DMXL2: variants seen among roughly 807,000 people sequenced by gnomAD.
DMXL2 encodes the protein Dmx like 2.
A neutral mutation model predicts 331.1 loss-of-function variants in DMXL2; 103 were observed. The observed-to-expected ratio is 0.31, with a 90% CI of 0.27 to 0.37. DMXL2 has a LOEUF of 0.37. Ranked by LOEUF, DMXL2 falls within the 10% of genes least tolerant of loss-of-function variation. The pLI is 1.00. For missense variants in DMXL2, 3,171 were observed against 3,642.9 expected (o/e 0.87, Z 3.33); for synonymous variants, 1,281 against 1,252.1 (o/e 1.02, Z -0.49).
In DMXL2 at chr15:51,498,869, A is replaced by G. The variant is rs1271866168; in HGVS notation, c.4355T>C (p.Ile1452Thr). ...SYRISEESTK[I>T]PQSYEDQTVS... The stretch of plus-strand genomic sequence containing the variant: ...TGTCTGATCTTCATAGCTCTGTGGT[A>G]TCTTTGTACTTTCTTCTGAAATTCT... The change falls in exon 18 of 44, where the codon ATA (isoleucine) becomes ACA (threonine). Residue 1452 changes from isoleucine (I) to threonine (T), a missense_variant. By Grantham distance (89) the Ile-to-Thr change is moderately conservative. This residue lies in a region of DMXL2 where 1,674 missense variants were observed against 1,780.2 expected (regional missense o/e 0.94). Coordinates refer to ENST00000560891, the MANE Select transcript of DMXL2 (RefSeq NM_001378457.1). The G allele has an allele frequency of 6.2e-7, 1 of 1,614,122 alleles. No homozygotes were observed. Among genetic ancestry groups the G allele is most frequent in the South Asian group, 1.1e-5 (1 of 91,086 alleles).
chr15:51,517,446 T>C (rs981362588), intron 13 of DMXL2, among the ~76,000 whole-genome samples: 8 of 152,238 alleles, frequency 5.3e-5, no homozygotes, highest in Non-Finnish European at 1.2e-4. Flanking sequence ...CAGACATGGC[T>C]GAAGATCTGG....
At chr15:51,478,393 C>T in intron 25 of DMXL2, 46 bp from the exon 26 acceptor site, 2 of 1,532,108 alleles carry the variant, frequency 1.3e-6, no homozygotes, top group South Asian at 1.1e-5. Flanking sequence ...AACATTTCTA[C>T]ACAACAGTAA....
chr15:51,487,826 AGTACAG>A, intron 22 of DMXL2, 122 bp downstream of exon 22: 1 of 742,964 alleles, frequency 1.3e-6, no homozygotes, highest in Non-Finnish European at 2.0e-6. Context: ...CACTATTTTA[AGTACAG>A]CAACCTCTGT....
intron 2 of DMXL2, among the ~76,000 whole-genome samples, chr15:51,569,351 C>T (rs143306680): frequency 1.1e-4 from 16 of 152,316 alleles, no homozygotes; most frequent in African/African-American, 3.8e-4. Context: ...GAGCCCACCA[C>T]AGCTCCCCGA....
chr15:51,447,879 T>C lies in DMXL2; in HGVS notation c.*1105A>G, dbSNP rs1319830015. ...AGAGAAAGTTACTTTTATGCCATTG[T>C]ATTTACTATTTACCACACAGGCATT... On this transcript the variant is annotated 3_prime_UTR_variant, in exon 44 of 44. Transcript: ENST00000560891. The C allele has an allele frequency of 1.3e-5, 2 of 152,692 alleles. No homozygotes were observed. Among genetic ancestry groups the C allele is most frequent in the African/African-American group, 4.8e-5 (2 of 41,468 alleles). 9.5% of individuals were successfully genotyped at this position (152,692 alleles called of 1,614,324 possible).
intron 1 of DMXL2, among the ~76,000 whole-genome samples, chr15:51,594,432 C>T (rs1312496835): frequency 6.6e-6 from 1 of 152,066 alleles, no homozygotes; most frequent in Non-Finnish European, 1.5e-5. Context: ...AATAGCTTAC[C>T]AACCAAAAAA....
intron 1 of DMXL2, among the ~76,000 whole-genome samples, chr15:51,591,105 C>T (rs757575625): frequency 1.7e-4 from 26 of 152,184 alleles, no homozygotes; most frequent in Non-Finnish European, 3.2e-4. Flanking sequence ...GGATGCAGTG[C>T]ACCGAACGTG....
Position 51,547,383 on chromosome 15 carries a change from T to C in DMXL2, c.593A>G (p.Tyr198Cys), listed in dbSNP as rs1224971212. 4 of 1,593,008 alleles carry C rather than the reference T, an allele frequency of 2.5e-6. No individual in the cohort carries two copies. Among genetic ancestry groups the C allele is most frequent in the Non-Finnish European group, 3.4e-6 (4 of 1,173,562 alleles). ...TGAAGACTTCCAACCAGTCATAGGA[T>C]ACCACACTTTCAAAAGACAATCATC... The part of the protein sequence containing the change: ...GKDDCLLKVW[Y>C]PMTGWKSSII... Residue 198 changes from tyrosine (Y) to cysteine (C), a missense_variant, in exon 7 of 44, where the codon TAT becomes TGT. Transcript: ENST00000560891.
rs570298457 is a variant in DMXL2 at position 51,453,095 on chromosome 15, G to C, written c.8696+455C>G. Among the ~76,000 whole-genome samples the C allele has an allele frequency of 1.4e-4, 22 of 152,100 alleles. No homozygotes were observed. In the South Asian group the frequency reaches 3.9e-3, roughly 27 times the overall value. ...GACTCTGGGGGCTTGGGAGGGGTGGGAGGAGGGTGAAGAATAAAAGACTAC... is the reference window on the plus strand; with the variant it reads ...GACTCTGGGGGCTTGGGAGGGGTGGCAGGAGGGTGAAGAATAAAAGACTAC... On this transcript the variant is annotated intron_variant, in intron 41 of 43. Transcript: ENST00000560891.
Position 51,455,182 on chromosome 15 carries a change from T to A in DMXL2, c.8573A>T (p.Asn2858Ile), listed in dbSNP as rs763245019. The A allele has an allele frequency of 1.9e-5, 31 of 1,613,974 alleles. No homozygotes were observed. Among genetic ancestry groups the A allele is most frequent in the Non-Finnish European group, 2.5e-5 (30 of 1,179,984 alleles). The stretch of plus-strand genomic sequence containing the variant: ...AGGTTTAGGATTTGATGCAGTTTGG[T>A]TAACTTGCCAGATACTCAGAAAACC... Reference protein sequence around the residue: ...GEGFLSIWQVNQTASNPKPYM... With the variant: ...GEGFLSIWQVIQTASNPKPYM... The change falls in exon 40 of 44, where the codon AAC becomes ATC. Residue 2858 changes from asparagine (N) to isoleucine (I), a missense_variant. Physicochemically the swap from Asn to Ile is moderately radical, Grantham distance 149 (BLOSUM62 -3). Around this residue, in one of 7 missense-constraint regions of DMXL2, gnomAD observed 766 missense variants for 940.5 expected, o/e 0.81. Coordinates refer to ENST00000560891, the MANE Select transcript of DMXL2 (RefSeq NM_001378457.1).
Position 51,499,231 on chromosome 15 carries a change from A to C in DMXL2, c.3993T>G (p.Gly1331=), listed in dbSNP as rs1436944438. Residue 1331 remains glycine, a synonymous_variant, in exon 18 of 44, where the codon GGT becomes GGG. Coordinates refer to ENST00000560891, the MANE Select transcript of DMXL2 (RefSeq NM_001378457.1). ...GTACATGTGCAGCCTCAAATAAGCC[A>C]CCATCTTGAATTACAGTTGGTGAAC... ...VFCSPTVIQD[G]GLFEAAHVLS... 1.2e-6 allele frequency: 2 copies of C among 1,614,054 alleles called. No homozygotes were observed. The highest frequency in any genetic ancestry group is 1.7e-6 in the Non-Finnish European group (2 of 1,180,012).
chr15:51,480,352 A>T (rs1312887554), intron 24 of DMXL2, among the ~76,000 whole-genome samples, 190 bp downstream of exon 24: 15 of 152,214 alleles, frequency 9.9e-5, no homozygotes, highest in Admixed American at 9.2e-4. Context: ...CAAGCTGTTA[A>T]GCCTACTCCT....
chr15:51,481,340 A>T lies in DMXL2; in HGVS notation c.5766T>A (p.Asp1922Glu), dbSNP rs757096858. Residue 1922 changes from aspartate (D) to glutamate (E), a missense_variant, in exon 24 of 44, where the codon GAT (aspartate) becomes GAA (glutamate). Around this residue, in one of 7 missense-constraint regions of DMXL2, gnomAD observed 244 missense variants for 251.4 expected, o/e 0.97. Transcript: ENST00000560891. The stretch of plus-strand genomic sequence containing the variant: ...TCCTGTGAGAAATGAAGTCAGGCTG[A>T]TCTTTTTTTGCAGATAAGGCAGATG... ...TKTSALSAKK[D>E]QPDFISHRMD... 8 of 1,614,124 alleles carry T rather than the reference A, an allele frequency of 5.0e-6. No homozygotes were observed. In the South Asian group the frequency reaches 8.8e-5, roughly 18 times the overall value.
At chr15:51,478,187 C>T in intron 26 of DMXL2, 84 bp downstream of exon 26, 6 of 1,092,510 alleles carry the variant, frequency 5.5e-6, no homozygotes, top group South Asian at 3.2e-5. Context: ...TTTTTCAGTC[C>T]CTAGGAAATA....
Position 51,497,072 on chromosome 15 carries a change from A to G in DMXL2, c.4672+1480T>C, listed in dbSNP as rs140086839. Among the ~76,000 whole-genome samples, 610 of 152,346 alleles carry G rather than the reference A, an allele frequency of 4.0e-3. 3 individuals carry two copies. The highest frequency in any genetic ancestry group is 0.013 in the African/African-American group (542 of 41,588). ...CTACTTTCTTAATGTCCCACAGTAA[A>G]AACTAATATATATTAAACACACAAC... On this transcript the variant is annotated intron_variant, in intron 18 of 43. Coordinates refer to ENST00000560891, the MANE Select transcript of DMXL2 (RefSeq NM_001378457.1).
At chr15:51,494,529 T>C (rs1386583109) in intron 19 of DMXL2, among the ~76,000 whole-genome samples, 9 of 152,182 alleles carry the variant, frequency 5.9e-5, no homozygotes, top group Admixed American at 5.9e-4. Flanking sequence ...TATAAATCCT[T>C]ATGTCTCAAA....
chr15:51,484,968 C>T (rs1219210050), intron 23 of DMXL2, among the ~76,000 whole-genome samples: 2 of 141,716 alleles, frequency 1.4e-5, no homozygotes, highest in Non-Finnish European at 1.5e-5. Flanking sequence ...CAACAACAGA[C>T]TAGATCGAGC....
chr15:51,596,748 A>C (rs1026592666), intron 1 of DMXL2, among the ~76,000 whole-genome samples: 14 of 152,230 alleles, frequency 9.2e-5, no homozygotes, highest in African/African-American at 3.4e-4. Flanking sequence ...GCCATAAAAA[A>C]TGATGAGTTC....
At chr15:51,468,804 C>G (rs985414991) in intron 29 of DMXL2, among the ~76,000 whole-genome samples, 4 of 152,228 alleles carry the variant, frequency 2.6e-5, no homozygotes, top group Admixed American at 2.0e-4. Context: ...TGTACTCCCT[C>G]TTCCTATCCA....
Sources: allele counts gnomAD v4.1 joint callset (sites outside exome capture counted in the v4.1 genomes callset), GRCh38; gene constraint gnomAD v4.1.1; regional missense constraint gnomAD v4.1.1; transcripts MANE v1.5; gene names NCBI Gene and HGNC (gene_info 2026-07-23, HGNC 2026-07-21).